The following FAM110B variants were observed in gnomAD, a reference collection of about 807,000 sequenced individuals.
FAM110B encodes family with sequence similarity 110 member B, also known as protein FAM110B.
In FAM110B, 6 loss-of-function variants were observed where a neutral mutation model predicts 20.4. That is an observed-to-expected ratio of 0.29 (90% CI 0.16 to 0.58). The LOEUF (loss-of-function observed/expected upper bound fraction) is 0.58. Ranked by LOEUF, FAM110B falls within the 20% of genes least tolerant of loss-of-function variation. The probability of loss-of-function intolerance (pLI) is 0.90; values close to 1 mark genes in which losing one functional copy is unlikely to be tolerated. For missense variants in FAM110B, 434 were observed against 498.2 expected (o/e 0.87, Z 1.23); for synonymous variants, 226 against 214.1 (o/e 1.06, Z -0.49).
intron 1 of FAM110B, among the ~76,000 whole-genome samples, chr8:58,000,963 A>G (rs1287314884): frequency 6.6e-6 from 1 of 152,208 alleles, no homozygotes; most frequent in Non-Finnish European, 1.5e-5. Flanking sequence ...GAAGAAGAGA[A>G]ATCATTGTGT....
intron 3 of FAM110B, among the ~76,000 whole-genome samples, chr8:58,115,570 T>C (rs903752623): frequency 3.3e-5 from 5 of 152,014 alleles, no homozygotes; most frequent in African/African-American, 1.2e-4. Flanking sequence ...ATTTTTGTAT[T>C]TTTAGTAGAG....
chr8:58,132,698 T>C (rs142988000), intron 3 of FAM110B, among the ~76,000 whole-genome samples: 1 of 152,292 alleles, frequency 6.6e-6, no homozygotes, highest in African/African-American at 2.4e-5. Flanking sequence ...CAACAAATGA[T>C]TGCTGCTGTG....
In FAM110B at chr8:58,146,459, C is replaced by T. The variant is rs1442014403; in HGVS notation, c.229C>T (p.Pro77Ser). The T allele has an allele frequency of 3.1e-6, 5 of 1,613,430 alleles. No individual in the cohort carries two copies. Among genetic ancestry groups the T allele is most frequent in the Non-Finnish European group, 4.2e-6 (5 of 1,179,628 alleles). ...VINAKQEPVK[P>S]AVLAKPPVCP... ...CAACGCCAAGCAGGAGCCCGTGAAG[C>T]CCGCCGTGCTGGCCAAGCCCCCGGT... The change falls in exon 4 of 4, where the codon CCC becomes TCC. Residue 77 changes from proline (P) to serine (S), a missense_variant. By Grantham distance (74) the Pro-to-Ser change is moderately conservative. Coordinates refer to ENST00000519262, the MANE Select transcript of FAM110B (RefSeq NM_001377989.1).
At chr8:58,003,916 G>A (rs1804351847) in intron 1 of FAM110B, among the ~76,000 whole-genome samples, 1 of 152,120 alleles carries the variant, frequency 6.6e-6, no homozygotes, top group Admixed American at 6.5e-5. Flanking sequence ...CCTGTCTTTT[G>A]AAGCTTTGAA....
chr8:58,055,326 G>C (rs1055672515), intron 2 of FAM110B, among the ~76,000 whole-genome samples: 2 of 152,182 alleles, frequency 1.3e-5, no homozygotes, highest in Non-Finnish European at 2.9e-5. Context: ...CAGTGCTGAG[G>C]ATCTGGTTTT....
chr8:58,146,036 G>C lies in FAM110B; in HGVS notation c.-195G>C, dbSNP rs546548995. On this transcript the variant is annotated 5_prime_UTR_variant, in exon 4 of 4. Transcript: ENST00000519262. ...TTTTTGTGCAAGGGCCGCCTGGAAG[G>C]GGAGAAAAGTGTATGAAAGCCACCG... The C allele has an allele frequency of 5.3e-4, 302 of 565,148 alleles. 4 individuals are homozygous for C. The South Asian group carries it at 8.3e-3, about 16-fold the overall frequency. 35.0% of individuals were successfully genotyped at this position (565,148 alleles called of 1,614,324 possible).
intron 3 of FAM110B, among the ~76,000 whole-genome samples, chr8:58,100,299 T>A (rs1806746234): frequency 6.6e-6 from 1 of 152,078 alleles, no homozygotes; most frequent in South Asian, 2.1e-4. Context: ...CTGGAGTTAT[T>A]CCCATCAGAT....
intron 2 of FAM110B, among the ~76,000 whole-genome samples, chr8:58,072,105 T>C (rs10504245): frequency 0.15 from 22,420 of 152,188 alleles, 1,872 homozygotes; most frequent in South Asian, 0.23. Flanking sequence ...TTGGGAAGGA[T>C]AAATTGGTGT....
intron 1 of FAM110B, among the ~76,000 whole-genome samples, chr8:58,008,126 ATTTTTTTTTTT>A (rs71248160): frequency 6.4e-4 from 74 of 115,992 alleles, no homozygotes; most frequent in Middle Eastern, 5.0e-3. Context: ...AAAAGCTTGC[ATTTTTTTTTTT>A]TTTTTTTTTT....
intron 1 of FAM110B, among the ~76,000 whole-genome samples, chr8:58,023,989 T>C (rs1184504798): frequency 6.6e-6 from 1 of 152,222 alleles, no homozygotes; most frequent in African/African-American, 2.4e-5. Context: ...AAAAAGATTT[T>C]GTGACACTGA....
chr8:58,148,712 A>T lies in FAM110B; in HGVS notation c.*1369A>T, dbSNP rs537470217. ...GTGTAAATGCTGTAAGACTTTGTACATACTTCAGTTGTTATGAAATCTTTA... is the reference window on the plus strand; with the variant it reads ...GTGTAAATGCTGTAAGACTTTGTACTTACTTCAGTTGTTATGAAATCTTTA... On this transcript the variant is annotated 3_prime_UTR_variant, in exon 4 of 4. Transcript: ENST00000519262. 6.0e-6 allele frequency: 1 copy of T among 167,120 alleles called. No homozygotes were observed. Among genetic ancestry groups the T allele is most frequent in the Non-Finnish European group, 1.5e-5 (1 of 68,126 alleles). 10.4% of individuals were successfully genotyped at this position (167,120 alleles called of 1,614,324 possible).
chr8:58,120,882 AT>A (rs1807342675), intron 3 of FAM110B, among the ~76,000 whole-genome samples: 1 of 152,226 alleles, frequency 6.6e-6, no homozygotes, highest in South Asian at 2.1e-4. Flanking sequence ...CCTGAGGCCC[AT>A]TCCCTCCCAG....
intron 1 of FAM110B, among the ~76,000 whole-genome samples, chr8:58,002,111 T>G (rs1461623561): frequency 6.6e-6 from 1 of 152,222 alleles, no homozygotes; most frequent in Non-Finnish European, 1.5e-5. Context: ...TTCTACTGGT[T>G]GGATAATGCC....
At chr8:58,108,505 G>A (rs1012219255) in intron 3 of FAM110B, among the ~76,000 whole-genome samples, 2 of 152,176 alleles carry the variant, frequency 1.3e-5, no homozygotes, top group African/African-American at 2.4e-5. Flanking sequence ...CCCATGTGAG[G>A]CTTCCTGGCA....
intron 1 of FAM110B, among the ~76,000 whole-genome samples, chr8:58,006,923 A>ATTTTTTTT (rs1554568496): frequency 4.0e-5 from 5 of 126,518 alleles, no homozygotes; most frequent in African/African-American, 9.1e-5. Context: ...ATATATATAT[A>ATTTTTTTT]TTTTTCCAAA....
intron 3 of FAM110B, among the ~76,000 whole-genome samples, chr8:58,099,986 C>T (rs1391737090): frequency 2.6e-5 from 4 of 152,076 alleles, no homozygotes; most frequent in Non-Finnish European, 4.4e-5. Context: ...TCCCATATAT[C>T]CTGTCAATTT....
At chr8:58,106,450 C>T (rs886069101) in intron 3 of FAM110B, among the ~76,000 whole-genome samples, 2 of 152,016 alleles carry the variant, frequency 1.3e-5, no homozygotes, top group African/African-American at 2.4e-5. Context: ...GATGGAAACA[C>T]AGCAGGGCAA....
At chr8:58,016,548 G>T (rs920665989) in intron 1 of FAM110B, among the ~76,000 whole-genome samples, 2 of 152,186 alleles carry the variant, frequency 1.3e-5, no homozygotes, top group African/African-American at 4.8e-5. Flanking sequence ...GCCTATCCTG[G>T]CGCTGCTTGG....
rs544602738 is a variant in FAM110B at position 58,100,065 on chromosome 8, C to T, written c.-325+24442C>T. ...CTGGCCAGACCTCTCCTCGTCTAATCACTCTGCCTGTCCCTTTCTTTTCTC... is the reference window on the plus strand; with the variant it reads ...CTGGCCAGACCTCTCCTCGTCTAATTACTCTGCCTGTCCCTTTCTTTTCTC... On this transcript the variant is annotated intron_variant, in intron 3 of 3. Transcript: ENST00000519262. 2.6e-5 allele frequency among the ~76,000 whole-genome samples: 4 copies of T among 152,294 alleles called. No homozygotes were observed. In the East Asian group the frequency reaches 7.7e-4, roughly 29 times the overall value.
Sources: allele counts gnomAD v4.1 joint callset (sites outside exome capture counted in the v4.1 genomes callset), GRCh38; gene constraint gnomAD v4.1.1; transcripts MANE v1.5; gene names NCBI Gene and HGNC (gene_info 2026-07-23, HGNC 2026-07-21).